The following TG variants were observed in gnomAD, a reference collection of about 807,000 sequenced individuals.
TG encodes thyroglobulin, also known as thyroid hormones.
A neutral mutation model predicts 324.7 loss-of-function variants in TG; 270 were observed. That is an observed-to-expected ratio of 0.83 (90% CI 0.75 to 0.92). TG has a LOEUF of 0.92. Among genes scored for constraint, TG ranks in the 40% least tolerant of loss-of-function variants. TG has a pLI of 0.00. For synonymous variants in TG, 1,401 were observed against 1,327.0 expected, an observed-to-expected ratio of 1.06 and a Z score of -1.21; for missense variants, 3,591 against 3,456.4, an observed-to-expected ratio of 1.04 and a Z score of -0.98.
At chr8:132,912,106 G>A (rs560635736) in intron 19 of TG, among the ~76,000 whole-genome samples, 1 of 152,334 alleles carries the variant, frequency 6.6e-6, no homozygotes, top group South Asian at 2.1e-4. Context: ...CAAACATCCA[G>A]GGGCAGGACT....
At chr8:133,108,763 A>G (rs568028542) in intron 43 of TG, among the ~76,000 whole-genome samples, 161 of 152,322 alleles carry the variant, frequency 1.1e-3, no homozygotes, top group Admixed American at 2.5e-3. Context: ...GCCTGTCACC[A>G]TACTGAGCAC....
Position 132,969,512 on chromosome 8 carries a change from T to G in TG, c.5918T>G (p.Leu1973Arg). Residue 1973 changes from leucine to arginine, a missense_variant, in exon 32 of 48, where the codon CTG becomes CGG. By Grantham distance (102) the Leu-to-Arg change is moderately radical. Transcript: ENST00000220616. ...TACACTCGCCTGCCGTTCCAAAAAC[T>G]GATGGGGATATCCATTAGAAATAAA... ...NFYTRLPFQK[L>R]MGISIRNKVP... 6.2e-7 allele frequency: 1 copy of G among 1,614,040 alleles called. No individual in the cohort carries two copies.
intron 35 of TG, chr8:132,988,932 A>G: frequency 1.0e-6 from 1 of 978,472 alleles, no homozygotes; most frequent in Non-Finnish European, 1.2e-6. Context: ...GCTCATAAAG[A>G]CATACCCGAG....
intron 17 of TG, 21 bp from the exon 18 acceptor site, chr8:132,908,165 A>C (rs1818953834): frequency 6.2e-7 from 1 of 1,613,320 alleles, no homozygotes; most frequent in Non-Finnish European, 8.5e-7. Flanking sequence ...GCCTCTGCTG[A>C]TCTCTGGTGC....
chr8:132,906,972 G>T, intron 17 of TG, 72 bp downstream of exon 17: 1 of 1,484,832 alleles, frequency 6.7e-7, no homozygotes, highest in Non-Finnish European at 9.1e-7. Flanking sequence ...GAGATATGGA[G>T]GCGTGGCTGC....
chr8:133,067,855 A>G (rs1843260474), intron 41 of TG, among the ~76,000 whole-genome samples: 1 of 54,766 alleles, frequency 1.8e-5, no homozygotes, highest in African/African-American at 9.4e-5. Flanking sequence ...AGAGAGAGAG[A>G]AAGAAAGAAA....
rs756104534 is a variant in TG, at chr8:132,966,462, C to CTG, written c.5549-97_5549-96insGT. On this transcript the variant is annotated intron_variant, in intron 29 of 47. Coordinates refer to ENST00000220616, the MANE Select transcript of TG (RefSeq NM_003235.5). ...TCTGACACTTTCTCTCTCTGTCTCTCTCTCTGTGTGTGTGTGTGTGTGTGT... is the reference window on the plus strand; with the variant it reads ...TCTGACACTTTCTCTCTCTGTCTCTCTGTCTCTGTGTGTGTGTGTGTGTGTGT... 5.4e-3 allele frequency: 7,321 copies of CTG among 1,361,478 alleles called. 18 individuals carry two copies. The highest frequency in any genetic ancestry group is 0.04 in the Admixed American group (2,176 of 54,460). The allele number at this position is 1,361,478 out of a possible 1,614,324, so 84.3% of individuals were successfully genotyped here.
chr8:132,959,689 A>G lies in TG; in HGVS notation c.5402-1319A>G, dbSNP rs151132358. The stretch of plus-strand genomic sequence containing the variant: ...GGAAGGAGTATGGGATTTGAAGCCA[A>G]ATAGATGGGGTTTGAATTCTTGCAT... On this transcript the variant is annotated intron_variant, in intron 27 of 47. Coordinates refer to ENST00000220616, the MANE Select transcript of TG (RefSeq NM_003235.5). Among the ~76,000 whole-genome samples the G allele has an allele frequency of 3.4e-3, 517 of 152,280 alleles. 4 individuals are homozygous for G. The highest frequency in any genetic ancestry group is 5.6e-3 in the Non-Finnish European group (380 of 68,028).
intron 31 of TG, among the ~76,000 whole-genome samples, 200 bp from the exon 32 acceptor site, chr8:132,969,258 C>T (rs1255256864): frequency 2.6e-5 from 4 of 151,970 alleles, no homozygotes; most frequent in African/African-American, 9.7e-5. Flanking sequence ...GCTGTGTCTC[C>T]ACTTTTTTAA....
chr8:133,085,975 T>G (rs529098839), intron 41 of TG, among the ~76,000 whole-genome samples: 1 of 152,334 alleles, frequency 6.6e-6, no homozygotes, highest in South Asian at 2.1e-4. Context: ...AACCCAAATG[T>G]TTACCAGCCA....
intron 27 of TG, among the ~76,000 whole-genome samples, chr8:132,957,285 T>A (rs1827025628): frequency 6.6e-6 from 1 of 152,070 alleles, no homozygotes; most frequent in Non-Finnish European, 1.5e-5. Flanking sequence ...TGGATTAAAT[T>A]GTGTTGAAAC....
intron 10 of TG, among the ~76,000 whole-genome samples, chr8:132,893,456 T>G: frequency 1.9e-5 from 2 of 105,216 alleles, no homozygotes; most frequent in African/African-American, 3.8e-5. Flanking sequence ...ATGTGTGTAG[T>G]ATGGGGGGTG....
intron 20 of TG, among the ~76,000 whole-genome samples, chr8:132,917,043 C>CCT (rs1820418617): frequency 1.4e-4 from 7 of 48,838 alleles, no homozygotes; most frequent in African/African-American, 3.8e-4. Context: ...CCCTCCCTCC[C>CCT]TCCTTCCTTC....
intron 16 of TG, among the ~76,000 whole-genome samples, chr8:132,903,605 C>A (rs1818245991): frequency 6.6e-6 from 1 of 152,224 alleles, no homozygotes; most frequent in African/African-American, 2.4e-5. Context: ...TTCATTTAAA[C>A]ACAGGAGAGT....
intron 35 of TG, among the ~76,000 whole-genome samples, chr8:133,010,814 G>A (rs997067363): frequency 6.6e-6 from 1 of 152,152 alleles, no homozygotes; most frequent in African/African-American, 2.4e-5. Context: ...TGGCTGCTAT[G>A]CCTGTGCTTC....
chr8:133,046,976 AACTTGAAGAT>A (rs1839540379), intron 41 of TG: 1 of 152,168 alleles, frequency 6.6e-6, no homozygotes, highest in African/African-American at 2.4e-5. Context: ...GCAAGCCAAG[AACTTGAAGAT>A]ACCTTCTGAA....
chr8:132,912,220 C>T (rs1328393638), intron 19 of TG, among the ~76,000 whole-genome samples: 1 of 152,178 alleles, frequency 6.6e-6, no homozygotes, highest in Non-Finnish European at 1.5e-5. Flanking sequence ...TAGTAATCCT[C>T]TAAATAATAA....
In TG at chr8:132,888,618, T is replaced by TGA. The variant is rs1815777555; in HGVS notation, c.2761+51_2761+52insAG. 5 of 1,514,494 alleles carry TGA rather than the reference T, an allele frequency of 3.3e-6. No individual in the cohort carries two copies. The Admixed American group carries it at 1.0e-4, about 31-fold the overall frequency. 93.8% of individuals were successfully genotyped at this position (1,514,494 alleles called of 1,614,324 possible). On this transcript the variant is annotated intron_variant, in intron 10 of 47. Transcript: ENST00000220616. ...AAATGTGTGTGTGTGTGTGTGTGTG[T>TGA]GTGTATGTGTGTTTAACATATAAAA...
At chr8:132,941,221 A>T (rs1433517950) in intron 25 of TG, 130 bp from the exon 26 acceptor site, 40 of 1,126,576 alleles carry the variant, frequency 3.6e-5, no homozygotes, top group Non-Finnish European at 5.3e-5. Context: ...AGAGCATCTC[A>T]TCTTGGCCCA....
Sources: allele counts gnomAD v4.1 joint callset (sites outside exome capture counted in the v4.1 genomes callset), GRCh38; gene constraint gnomAD v4.1.1; transcripts MANE v1.5; gene names NCBI Gene and HGNC (gene_info 2026-07-23, HGNC 2026-07-21).